JAZF1: variants seen among roughly 807,000 people sequenced by gnomAD.
JAZF1 encodes JAZF zinc finger 1.
JAZF1 carries 8 observed loss-of-function variants against 26.4 expected under a neutral mutation model. The observed-to-expected ratio is 0.30, with a 90% CI of 0.18 to 0.55. The LOEUF is 0.55. Ranked by LOEUF, JAZF1 falls within the 20% of genes least tolerant of loss-of-function variation. The probability of loss-of-function intolerance (pLI) is 0.94; values close to 1 mark genes in which losing one functional copy is unlikely to be tolerated. For missense variants in JAZF1, 199 were observed against 322.0 expected, an observed-to-expected ratio of 0.62 and a Z score of 2.92; for synonymous variants, 126 against 122.3, an observed-to-expected ratio of 1.03 and a Z score of -0.20.
chr7:27,981,745 T>C (rs1422314765), intron 2 of JAZF1, among the ~76,000 whole-genome samples: 2 of 152,228 alleles, frequency 1.3e-5, no homozygotes, highest in Non-Finnish European at 2.9e-5. Context: ...TATAATAAAA[T>C]GTTATTTTAA....
chr7:28,039,021 A>T (rs1005842246), intron 1 of JAZF1, among the ~76,000 whole-genome samples: 19 of 152,334 alleles, frequency 1.2e-4, no homozygotes, highest in African/African-American at 4.3e-4. Flanking sequence ...TTAGACCTGC[A>T]TACTAAAATA....
intron 1 of JAZF1, among the ~76,000 whole-genome samples, chr7:28,021,565 C>T (rs1783007923): frequency 1.3e-5 from 2 of 152,278 alleles, no homozygotes; most frequent in South Asian, 2.1e-4. Flanking sequence ...AAGGCCGCCA[C>T]CGCCTGTGGA....
intron 3 of JAZF1, among the ~76,000 whole-genome samples, chr7:27,883,054 C>T (rs1388681640): frequency 1.3e-5 from 2 of 152,076 alleles, no homozygotes; most frequent in Non-Finnish European, 2.9e-5. Flanking sequence ...TTTGTGCTTC[C>T]AAAGGAAAAT....
intron 1 of JAZF1, among the ~76,000 whole-genome samples, chr7:28,051,183 T>C (rs1014093551): frequency 2.6e-5 from 4 of 151,976 alleles, no homozygotes; most frequent in Non-Finnish European, 5.9e-5. Context: ...AACTGTTTTT[T>C]TTTAAGAAAC....
intron 1 of JAZF1, among the ~76,000 whole-genome samples, chr7:28,015,682 T>C (rs547199124): frequency 6.6e-6 from 1 of 152,236 alleles, no homozygotes; most frequent in South Asian, 2.1e-4. Context: ...CACTGTTTTG[T>C]CTTTTCTCCG....
intron 1 of JAZF1, among the ~76,000 whole-genome samples, chr7:28,058,475 C>A (rs929531050): frequency 6.6e-6 from 1 of 152,114 alleles, no homozygotes. Flanking sequence ...TTCTACCCCC[C>A]AGTCTCCTAC....
intron 1 of JAZF1, among the ~76,000 whole-genome samples, chr7:28,131,573 G>C (rs1364925018): frequency 1.3e-5 from 2 of 152,100 alleles, no homozygotes; most frequent in East Asian, 3.9e-4. Flanking sequence ...TTGGTCCATG[G>C]TCGATACAAC....
intron 2 of JAZF1, among the ~76,000 whole-genome samples, chr7:27,955,624 T>G (rs1785075751): frequency 6.6e-6 from 1 of 152,200 alleles, no homozygotes; most frequent in Non-Finnish European, 1.5e-5. Flanking sequence ...AGAGGCTTCT[T>G]TCTCCACCCT....
chr7:27,863,222 C>G (rs1214448013), intron 3 of JAZF1, among the ~76,000 whole-genome samples: 1 of 152,186 alleles, frequency 6.6e-6, no homozygotes, highest in Non-Finnish European at 1.5e-5. Context: ...CATCATTATC[C>G]TTCCCTCTCT....
intron 1 of JAZF1, among the ~76,000 whole-genome samples, chr7:28,039,886 T>TA (rs1160667088): frequency 8.5e-5 from 13 of 152,350 alleles, no homozygotes; most frequent in African/African-American, 3.1e-4. Flanking sequence ...ACTTGTCAGT[T>TA]AAAGTCAGGC....
At chr7:28,009,107 A>G (rs975091445) in intron 1 of JAZF1, among the ~76,000 whole-genome samples, 1 of 152,226 alleles carries the variant, frequency 6.6e-6, no homozygotes, top group African/African-American at 2.4e-5. Context: ...AATGGAAGGC[A>G]GAGACTCTGA....
At chr7:28,121,186 G>GAAAAAAAAAAAAA (rs113018287) in intron 1 of JAZF1, among the ~76,000 whole-genome samples, 1 of 134,140 alleles carries the variant, frequency 7.5e-6, no homozygotes, top group Non-Finnish European at 1.6e-5. Flanking sequence ...AGACTGTCTC[G>GAAAAAAAAAAAAA]AAAAAAAAAG....
chr7:27,961,967 G>T (rs1785192620), intron 2 of JAZF1, among the ~76,000 whole-genome samples: 1 of 152,126 alleles, frequency 6.6e-6, no homozygotes, highest in Admixed American at 6.5e-5. Context: ...TCAAATCCCA[G>T]CTCCACTAGT....
intron 1 of JAZF1, among the ~76,000 whole-genome samples, chr7:28,173,880 TAA>T (rs58075065): frequency 0.016 from 1,525 of 93,090 alleles, 31 homozygotes; most frequent in African/African-American, 0.044. Context: ...CAGCTAGCTT[TAA>T]AAAAAAAAAA....
intron 1 of JAZF1, among the ~76,000 whole-genome samples, chr7:28,090,193 G>A (rs1487922636): frequency 2.0e-5 from 3 of 152,152 alleles, no homozygotes; most frequent in South Asian, 2.1e-4. Context: ...CTACCTCATC[G>A]GACTATAGTG....
At chr7:27,845,510 A>G (rs1204881518) in intron 3 of JAZF1, among the ~76,000 whole-genome samples, 1 of 152,146 alleles carries the variant, frequency 6.6e-6, no homozygotes, top group Non-Finnish European at 1.5e-5. Context: ...CAGCCTGGCC[A>G]ACATGGTGAA....
intron 2 of JAZF1, among the ~76,000 whole-genome samples, chr7:27,978,459 C>A (rs1228698556): frequency 2.0e-5 from 3 of 152,142 alleles, no homozygotes; most frequent in Non-Finnish European, 4.4e-5. Flanking sequence ...TTGAGTTAGA[C>A]CATTAGGGCA....
intron 3 of JAZF1, among the ~76,000 whole-genome samples, chr7:27,862,290 T>C (rs190926429): frequency 9.8e-5 from 15 of 152,312 alleles, no homozygotes; most frequent in Admixed American, 9.2e-4. Flanking sequence ...TGGGGTACAA[T>C]TGATCCCATC....
At chr7:27,878,724 C>A (rs1213563575) in intron 3 of JAZF1, among the ~76,000 whole-genome samples, 1 of 152,124 alleles carries the variant, frequency 6.6e-6, no homozygotes, top group Middle Eastern at 3.2e-3. Context: ...CATTGCCTCA[C>A]CTGCCATTCT....
Sources: allele counts gnomAD v4.1 joint callset (sites outside exome capture counted in the v4.1 genomes callset), GRCh38; gene constraint gnomAD v4.1.1; transcripts MANE v1.5; gene names NCBI Gene and HGNC (gene_info 2026-07-23, HGNC 2026-07-21).